The following INSYN2A variants were observed in gnomAD, a reference collection of about 807,000 sequenced individuals.
The protein encoded by INSYN2A is inhibitory synaptic factor 2A.
In INSYN2A, 17 loss-of-function variants were observed where a neutral mutation model predicts 39.4. The observed-to-expected ratio is 0.43, with a 90% confidence interval of 0.30 to 0.65. INSYN2A has a LOEUF of 0.65. Among genes scored for constraint, INSYN2A ranks in the 30% least tolerant of loss-of-function variants. The pLI, the probability that INSYN2A is intolerant of heterozygous loss-of-function variation, is 0.14. For synonymous variants in INSYN2A, 255 were observed against 265.7 expected (o/e 0.96, Z 0.39); for missense variants, 595 against 631.2 (o/e 0.94, Z 0.61).
At position 127,175,331 on chromosome 10, in the gene INSYN2A, C is replaced by G; in HGVS notation, c.1065G>C (p.Val355=). The G allele has an allele frequency of 6.2e-7, 1 of 1,614,138 alleles. No homozygotes were observed. The highest frequency in any genetic ancestry group is 8.5e-7 in the Non-Finnish European group (1 of 1,180,030). The stretch of plus-strand genomic sequence containing the variant: ...TCTGAAGTTGTGCTTTGAGGTCGAC[C>G]ACTTCCGTATGAGGCACGATTCGTT... ...ECQRIVPHTE[V]VDLKAQLQMM... is the part of the protein sequence containing the mutation. Residue 355 remains valine, a synonymous_variant, in exon 4 of 6, where the codon GTG becomes GTC. Transcript: ENST00000522781. The surrounding 1 kb of genome is among the most constrained non-coding windows in gnomAD (Gnocchi z 6.3).
intron 4 of INSYN2A, among the ~76,000 whole-genome samples, chr10:127,159,960 G>A (rs187594849): frequency 3.7e-4 from 56 of 152,234 alleles, no homozygotes; most frequent in Non-Finnish European, 6.6e-4. Flanking sequence ...GGCCCTGGGT[G>A]TTAGGAAGGG....
intron 5 of INSYN2A, among the ~76,000 whole-genome samples, chr10:127,150,033 C>G (rs1426798588): frequency 2.6e-5 from 4 of 152,128 alleles, no homozygotes; most frequent in Admixed American, 2.6e-4. Flanking sequence ...TGCAGGAATT[C>G]AAGGAGGACT....
intron 5 of INSYN2A, chr10:127,145,895 T>G (rs1203103373): frequency 2.2e-6 from 1 of 459,942 alleles, no homozygotes; most frequent in East Asian, 6.1e-5. Flanking sequence ...GTGACCGGTC[T>G]AAACGTCAGC....
At position 127,187,573 on chromosome 10, in the gene INSYN2A, C is replaced by A. The variant is rs147531342; in HGVS notation, c.-269+5032G>T. ...GGTTTTTAAAGAGAGCATATCCTGC[C>A]ACGTAGAAGAAAATCCAGGGGGTGG... On this transcript the variant is annotated intron_variant, in intron 2 of 5. Transcript: ENST00000522781. Among the ~76,000 whole-genome samples the A allele has an allele frequency of 5.9e-4, 90 of 152,004 alleles. 1 individual carries two copies. The highest frequency in any genetic ancestry group is 2.0e-3 in the African/African-American group (84 of 41,482).
chr10:127,185,452 G>C (rs990074134), intron 2 of INSYN2A, among the ~76,000 whole-genome samples: 1 of 152,132 alleles, frequency 6.6e-6, no homozygotes, highest in Non-Finnish European at 1.5e-5. Flanking sequence ...CTTGAACCAG[G>C]GAGTGGGAGG....
chr10:127,153,803 C>A, intron 5 of INSYN2A, 49 bp downstream of exon 5: 2 of 1,415,530 alleles, frequency 1.4e-6, no homozygotes, highest in South Asian at 2.3e-5. Flanking sequence ...GGGTAAACAT[C>A]ATTTGTCACT....
At chr10:127,170,142 G>C (rs549051119) in intron 4 of INSYN2A, among the ~76,000 whole-genome samples, 1 of 152,170 alleles carries the variant, frequency 6.6e-6, no homozygotes, top group East Asian at 1.9e-4. Context: ...GATGATGGGA[G>C]GTGATAAATG....
At chr10:127,146,716 A>C (rs1052749350) in intron 5 of INSYN2A, among the ~76,000 whole-genome samples, 9 of 152,176 alleles carry the variant, frequency 5.9e-5, no homozygotes, top group Non-Finnish European at 1.0e-4. Context: ...CTTAATATGC[A>C]CAAGTGGTGG....
Position 127,145,273 on chromosome 10 carries a change from T to C in INSYN2A, c.1257-7253A>G, listed in dbSNP as rs12241435. Among the ~76,000 whole-genome samples, 1,004 of 152,244 alleles carry C rather than the reference T, an allele frequency of 6.6e-3. 4 individuals carry two copies. Among genetic ancestry groups the C allele is most frequent in the Admixed American group, 0.012 (177 of 15,300 alleles). On this transcript the variant is annotated intron_variant, in intron 5 of 5. Transcript: ENST00000522781. ...AGAGGCAGACCCAAGTCATTTGGAT[T>C]GCCTCTGCCCATCGTAAGTTCTCCA...
At chr10:127,165,850 T>C (rs1351730337) in intron 4 of INSYN2A, among the ~76,000 whole-genome samples, 1 of 152,198 alleles carries the variant, frequency 6.6e-6, no homozygotes, top group East Asian at 1.9e-4. Flanking sequence ...TGATTACAGA[T>C]CCTTCCCAAT....
chr10:127,140,334 T>C (rs1049549694), intron 5 of INSYN2A, among the ~76,000 whole-genome samples: 1 of 152,132 alleles, frequency 6.6e-6, no homozygotes, highest in Non-Finnish European at 1.5e-5. Flanking sequence ...GCACTCCCCA[T>C]TATGCTGCCC....
chr10:127,177,468 G>A (rs1187819406), intron 2 of INSYN2A, among the ~76,000 whole-genome samples: 1 of 152,254 alleles, frequency 6.6e-6, no homozygotes, highest in African/African-American at 2.4e-5. Context: ...AGAGTTAAGT[G>A]TGTTGTTTGT....
intron 5 of INSYN2A, 83 bp downstream of exon 5, chr10:127,153,769 G>T: frequency 1.9e-6 from 2 of 1,065,662 alleles, no homozygotes; most frequent in Non-Finnish European, 1.4e-6. Flanking sequence ...TCCCAGCATG[G>T]CCCCAGATCG....
rs2055189867 is a variant in INSYN2A, at chr10:127,176,653, G to A, written c.-6+224C>T. Among the ~76,000 whole-genome samples the A allele has an allele frequency of 6.6e-6, 1 of 152,180 alleles. No homozygotes were observed. The highest frequency in any genetic ancestry group is 2.4e-5 in the African/African-American group (1 of 41,444). ...CACTCGCTTTCCTTTTGACAGTAATGCATGTTTCCCCATTAGACAAACCTG... is the reference window on the plus strand; with the variant it reads ...CACTCGCTTTCCTTTTGACAGTAATACATGTTTCCCCATTAGACAAACCTG... On this transcript the variant is annotated intron_variant, in intron 3 of 5. Transcript: ENST00000522781. This position sits in a 1 kb window ranked among gnomAD's most constrained non-coding sequence, Gnocchi z 4.4.
chr10:127,162,266 C>A (rs1046619966), intron 4 of INSYN2A, among the ~76,000 whole-genome samples: 2 of 152,074 alleles, frequency 1.3e-5, no homozygotes, highest in Non-Finnish European at 2.9e-5. Context: ...CATGCATTTT[C>A]TATAGTGTTT....
intron 4 of INSYN2A, among the ~76,000 whole-genome samples, chr10:127,171,746 C>T (rs941952039): frequency 2.6e-5 from 4 of 152,126 alleles, no homozygotes; most frequent in African/African-American, 7.2e-5. Context: ...CTCTGTTGCC[C>T]AGGCTGGAGT....
Position 127,153,939 on chromosome 10 carries a change from A to T in INSYN2A, c.1185-16T>A. 1 of 1,608,308 alleles carries T rather than the reference A, an allele frequency of 6.2e-7. No individual in the cohort carries two copies. The highest frequency in any genetic ancestry group is 8.5e-7 in the Non-Finnish European group (1 of 1,174,704). ...ATATGAAAGCCTACAAGATAAGAAC[A>T]GGAGAGCATTACAAGCGGTGGCTGG... On this transcript the variant is annotated splice_polypyrimidine_tract_variant and intron_variant, in intron 4 of 5. Transcript: ENST00000522781.
Position 127,176,435 on chromosome 10 carries a change from G to C in INSYN2A, c.-5-35C>G. 6.5e-7 allele frequency: 1 copy of C among 1,538,380 alleles called. No individual in the cohort carries two copies. The highest frequency in any genetic ancestry group is 8.8e-7 in the Non-Finnish European group (1 of 1,137,246). On this transcript the variant is annotated intron_variant, in intron 3 of 5. Coordinates refer to ENST00000522781, the MANE Select transcript of INSYN2A (RefSeq NM_001039762.3). The surrounding 1 kb of genome is among the most constrained non-coding windows in gnomAD (Gnocchi z 4.4). ...GAAACAGCAACAGAGGTGTCAGTGG[G>C]ACAGAAATACACACTCAAGCACCGG... is the stretch of plus-strand genomic sequence containing the variant.
chr10:127,136,269 GT>G lies in INSYN2A; in HGVS notation c.*1567del, dbSNP rs1378624780. On this transcript the variant is annotated 3_prime_UTR_variant, in exon 6 of 6. Coordinates refer to ENST00000522781, the MANE Select transcript of INSYN2A (RefSeq NM_001039762.3). ...CACTTAGAACTAAAACAGATTTGCT[GT>G]TGAGTCAGGAGGAAAATACATGGCA... 6.6e-6 allele frequency: 1 copy of G among 152,018 alleles called. No homozygotes were observed. Among genetic ancestry groups the G allele is most frequent in the African/African-American group, 2.4e-5 (1 of 41,384 alleles). The allele number at this position is 152,018 out of a possible 1,614,324, so 9.4% of individuals were successfully genotyped here. A position where few individuals can be genotyped will look rare whatever the true frequency, so the allele number is the denominator to read the frequency against.
Sources: allele counts gnomAD v4.1 joint callset (sites outside exome capture counted in the v4.1 genomes callset), GRCh38; gene constraint gnomAD v4.1.1; non-coding constraint Gnocchi (gnomAD v3.1); transcripts MANE v1.5; gene names NCBI Gene and HGNC (gene_info 2026-07-23, HGNC 2026-07-21).